ANPEP: variants seen among roughly 807,000 people sequenced by gnomAD.
ANPEP encodes aminopeptidase N.
In ANPEP, 70 loss-of-function variants were observed where a neutral mutation model predicts 114.6. The ratio of observed to expected loss-of-function variants is 0.61; its 90% CI spans 0.50 to 0.75. ANPEP has a LOEUF of 0.75. ANPEP is among the 30% of genes least tolerant of loss of function. The pLI is 0.00. For missense variants in ANPEP, 1,184 were observed against 1,259.5 expected, an observed-to-expected ratio of 0.94 and a Z score of 0.91; for synonymous variants, 548 against 522.3, an observed-to-expected ratio of 1.05 and a Z score of -0.67.
intron 20 of ANPEP, among the ~76,000 whole-genome samples, chr15:89,788,208 G>A (rs2037495426): frequency 6.6e-6 from 1 of 152,210 alleles, no homozygotes; most frequent in Non-Finnish European, 1.5e-5. Flanking sequence ...ATCACAGCCA[G>A]AAGACTGAAA....
Position 89,788,199 on chromosome 15 carries a change from T to C in ANPEP, c.2751+2261A>G, listed in dbSNP as rs529873564. Among the ~76,000 whole-genome samples the C allele has an allele frequency of 3.3e-5, 5 of 152,316 alleles. No homozygotes were observed. In the South Asian group the frequency reaches 1.0e-3, roughly 32 times the overall value. ...TGCACGTGAAGGTCCATGATATTCA[T>C]CACAGCCAGAAGACTGAAACAACCC... is the stretch of plus-strand genomic sequence containing the variant. On this transcript the variant is annotated intron_variant, in intron 20 of 20. Coordinates refer to ENST00000300060, the MANE Select transcript of ANPEP (RefSeq NM_001150.3).
intron 1 of ANPEP, among the ~76,000 whole-genome samples, chr15:89,808,120 A>C (rs1894754565): frequency 6.6e-6 from 1 of 152,184 alleles, no homozygotes. Flanking sequence ...GCCCGGGTAC[A>C]GTCAGCCTGC....
chr15:89,803,747 A>G lies in ANPEP; in HGVS notation c.1337T>C (p.Val446Ala). The G allele has an allele frequency of 6.2e-7, 1 of 1,611,280 alleles. No homozygotes were observed. Among genetic ancestry groups the G allele is most frequent in the South Asian group, 1.1e-5 (1 of 90,858 alleles). The change falls in exon 8 of 21, where the codon GTG (valine) becomes GCG (alanine). Residue 446 changes from valine to alanine, a missense_variant. By Grantham distance (64) the Val-to-Ala change is moderately conservative (BLOSUM62 0). Transcript: ENST00000300060. The surrounding 1 kb of genome is among the most constrained non-coding windows in gnomAD (Gnocchi z 4.2). ...VLNDVYRVMA[V>A]DALASSHPLS... ...CGGGTGGGAGGAGGCCAGTGCATCCACTGCCATCACGCGGTACACATCATT... is the reference window on the plus strand; with the variant it reads ...CGGGTGGGAGGAGGCCAGTGCATCCGCTGCCATCACGCGGTACACATCATT...
At chr15:89,794,954 G>A (rs1382197512) in intron 15 of ANPEP, among the ~76,000 whole-genome samples, 1 of 152,104 alleles carries the variant, frequency 6.6e-6, no homozygotes, top group East Asian at 1.9e-4. Flanking sequence ...AGATCCCCCG[G>A]ACAACACACT....
chr15:89,805,645 G>C (rs893237035), intron 2 of ANPEP, among the ~76,000 whole-genome samples, 182 bp from the exon 3 acceptor site: 2 of 152,204 alleles, frequency 1.3e-5, no homozygotes, highest in African/African-American at 4.8e-5. Flanking sequence ...GCTGACTCGT[G>C]GGGGTTGGGG....
rs770522220 is a variant in ANPEP at position 89,805,369 on chromosome 15, G to T, written c.709C>A (p.Leu237Ile). The T allele has an allele frequency of 8.7e-6, 14 of 1,614,052 alleles. No individual in the cohort carries two copies. The highest frequency in any genetic ancestry group is 1.2e-5 in the Non-Finnish European group (14 of 1,180,024). ...GCTGTCAGGTCCTTGGGGTGGATAAGCGTGATGTTGAACTCGGCCTTCATG... is the reference window on the plus strand; with the variant it reads ...GCTGTCAGGTCCTTGGGGTGGATAATCGTGATGTTGAACTCGGCCTTCATG... The part of the protein sequence containing the change: ...PAMKAEFNIT[L>I]IHPKDLTALS... The change falls in exon 3 of 21, where the codon CTT becomes ATT. Residue 237 changes from leucine to isoleucine, a missense_variant. Coordinates refer to ENST00000300060, the MANE Select transcript of ANPEP (RefSeq NM_001150.3).
chr15:89,799,255 C>G lies in ANPEP; in HGVS notation c.2009+5G>C. On this transcript the variant is annotated splice_donor_5th_base_variant and intron_variant, in intron 14 of 20. Coordinates refer to ENST00000300060, the MANE Select transcript of ANPEP (RefSeq NM_001150.3). The surrounding 1 kb of genome is among the most constrained non-coding windows in gnomAD (Gnocchi z 4.2). ...TGCAGCTGAGCCAGGCAGCGGAGCA[C>G]TCACCTGGCCAGGTTGAAGGCGTCA... 6.2e-7 allele frequency: 1 copy of G among 1,614,204 alleles called. No individual in the cohort carries two copies. The highest frequency in any genetic ancestry group is 1.1e-5 in the South Asian group (1 of 91,090).
chr15:89,799,661 A>G lies in ANPEP; in HGVS notation c.1820-102T>C, dbSNP rs1352519909. 3 of 1,532,542 alleles carry G rather than the reference A, an allele frequency of 2.0e-6. No individual in the cohort carries two copies. Among genetic ancestry groups the G allele is most frequent in the Non-Finnish European group, 2.7e-6 (3 of 1,123,322 alleles). 94.9% of individuals were successfully genotyped at this position (1,532,542 alleles called of 1,614,324 possible). A position where few individuals can be genotyped will look rare whatever the true frequency, so the allele number is the denominator to read the frequency against. On this transcript the variant is annotated intron_variant, in intron 12 of 20. Transcript: ENST00000300060. The surrounding 1 kb of genome is among the most constrained non-coding windows in gnomAD (Gnocchi z 4.2). ...TGCCCCCGCAGCCTGGCACCACCTC[A>G]CCCTCAAGCTGCTGGGGAGACGCTA...
intron 20 of ANPEP, among the ~76,000 whole-genome samples, chr15:89,788,234 T>A (rs1180085892): frequency 6.6e-6 from 1 of 152,152 alleles, no homozygotes; most frequent in Non-Finnish European, 1.5e-5. Flanking sequence ...CAAATGCCCA[T>A]CAATGATGAG....
At position 89,806,255 on chromosome 15, in the gene ANPEP, C is replaced by T. The variant is rs778496286; in HGVS notation, c.329G>A (p.Arg110His). 11 of 1,613,990 alleles carry T rather than the reference C, an allele frequency of 6.8e-6. No individual in the cohort carries two copies. Among genetic ancestry groups the T allele is most frequent in the African/African-American group, 1.3e-5 (1 of 74,890 alleles). Residue 110 changes from arginine to histidine, a missense_variant, in exon 2 of 21, where the codon CGT becomes CAT. Transcript: ENST00000300060. The surrounding 1 kb of genome is among the most constrained non-coding windows in gnomAD (Gnocchi z 5.7). ...GTCAGTGGCCTCCTTGCAGGTGAAA[C>T]GGACGGTGCTGGAGCCCTTAAAAAC... ...LYVFKGSSTVRFTCKEATDVI... is the reference protein window; with the variant it reads ...LYVFKGSSTVHFTCKEATDVI...
At chr15:89,800,799 C>T (rs937521873) in intron 12 of ANPEP, among the ~76,000 whole-genome samples, 2 of 151,948 alleles carry the variant, frequency 1.3e-5, no homozygotes, top group Non-Finnish European at 1.5e-5. Flanking sequence ...GACCCCAGGT[C>T]GCCTCGGCCT....
At chr15:89,793,200 G>A (rs1968666290) in intron 15 of ANPEP, 74 bp from the exon 16 acceptor site, 1 of 1,367,556 alleles carries the variant, frequency 7.3e-7, no homozygotes, top group Non-Finnish European at 1.0e-6. Flanking sequence ...AGCCTCTGAT[G>A]TTGGGGGGCA....
intron 14 of ANPEP, 27 bp from the exon 15 acceptor site, chr15:89,797,749 A>C: frequency 6.2e-7 from 1 of 1,613,388 alleles, no homozygotes; most frequent in Non-Finnish European, 8.5e-7. Flanking sequence ...GGGCCCAAGT[A>C]AAGCACCTCC....
In ANPEP at chr15:89,803,164, A is replaced by G. The variant is rs1402827384; in HGVS notation, c.1569+75T>C. 2.0e-6 allele frequency: 3 copies of G among 1,512,974 alleles called. No individual in the cohort carries two copies. The highest frequency in any genetic ancestry group is 2.8e-6 in the Non-Finnish European group (3 of 1,088,372). The allele number at this position is 1,512,974 out of a possible 1,614,324, so 93.7% of individuals were successfully genotyped here. On this transcript the variant is annotated intron_variant, in intron 10 of 20. Transcript: ENST00000300060. The surrounding 1 kb of genome is among the most constrained non-coding windows in gnomAD (Gnocchi z 4.2). ...CGGAGCTGGACCCATTCTCTTACGC[A>G]TGTGCTGCCCCCAGGTACCTTCAGC...
Position 89,806,430 on chromosome 15 carries a change from A to G in ANPEP, c.154T>C (p.Ser52Pro). Residue 52 changes from serine (S) to proline (P), a missense_variant, in exon 2 of 21, where the codon TCC becomes CCC. By Grantham distance (74) the Ser-to-Pro change is moderately conservative (BLOSUM62 -1). Coordinates refer to ENST00000300060, the MANE Select transcript of ANPEP (RefSeq NM_001150.3). This position sits in a 1 kb window ranked among gnomAD's most constrained non-coding sequence, Gnocchi z 5.7. The stretch of plus-strand genomic sequence containing the variant: ...GCGGGGTTGGTGGTGGCTGAGGCGG[A>G]CGGGGTGGTGGAGGCCACGGGGGAG... ...NSSPVASTTP[S>P]ASATTNPASA... 1 of 1,613,720 alleles carries G rather than the reference A, an allele frequency of 6.2e-7. No individual in the cohort carries two copies. The highest frequency in any genetic ancestry group is 8.5e-7 in the Non-Finnish European group (1 of 1,179,760).
chr15:89,798,551 C>T (rs187504569), intron 14 of ANPEP, among the ~76,000 whole-genome samples: 19 of 150,526 alleles, frequency 1.3e-4, no homozygotes, highest in African/African-American at 3.2e-4. Context: ...AAGGGAGAAT[C>T]GCTTGAATCT....
intron 1 of ANPEP, among the ~76,000 whole-genome samples, chr15:89,808,827 T>C (rs896594612): frequency 6.6e-6 from 1 of 152,212 alleles, no homozygotes; most frequent in African/African-American, 2.4e-5. Context: ...ATGTGTGAAC[T>C]GAAGGGACAC....
At chr15:89,786,869 G>A (rs1015206668) in intron 20 of ANPEP, among the ~76,000 whole-genome samples, 1 of 151,872 alleles carries the variant, frequency 6.6e-6, no homozygotes, top group Non-Finnish European at 1.5e-5. Flanking sequence ...TTTCAACTAG[G>A]TTGCCAAGAC....
At chr15:89,797,364 C>T (rs1567157331) in intron 15 of ANPEP, 1 of 614,332 alleles carries the variant, frequency 1.6e-6, no homozygotes, top group East Asian at 3.2e-5. Context: ...CCTGCTCACT[C>T]ACCTCCATGT....
Sources: allele counts gnomAD v4.1 joint callset (sites outside exome capture counted in the v4.1 genomes callset), GRCh38; gene constraint gnomAD v4.1.1; non-coding constraint Gnocchi (gnomAD v3.1); transcripts MANE v1.5; gene names NCBI Gene and HGNC (gene_info 2026-07-23, HGNC 2026-07-21).